Variants in DOCK2 observed in about 807,000 individuals in gnomAD.
DOCK2 encodes the protein dedicator of cytokinesis 2.
DOCK2 carries 87 observed loss-of-function variants against 248.9 expected under a neutral mutation model. The ratio of observed to expected loss-of-function variants is 0.35; its 90% confidence interval spans 0.29 to 0.42. The LOEUF (loss-of-function observed/expected upper bound fraction) is 0.42. DOCK2 is among the 10% of genes least tolerant of loss of function. DOCK2 has a pLI of 1.00. For synonymous variants in DOCK2, 805 were observed against 821.6 expected (o/e 0.98, Z 0.35); for missense variants, 1,747 against 2,300.2 (o/e 0.76, Z 4.92).
intron 26 of DOCK2, among the ~76,000 whole-genome samples, chr5:169,839,358 A>G (rs1343769487): frequency 6.6e-6 from 1 of 152,204 alleles, no homozygotes; most frequent in African/African-American, 2.4e-5. Flanking sequence ...ACCTTGAGAG[A>G]ACCTTCTACA....
chr5:169,731,606 G>A (rs1462295069), intron 22 of DOCK2, among the ~76,000 whole-genome samples: 1 of 152,140 alleles, frequency 6.6e-6, no homozygotes, highest in African/African-American at 2.4e-5. Context: ...AGTAACAGAT[G>A]CTATAAAAGC....
intron 27 of DOCK2, among the ~76,000 whole-genome samples, chr5:169,871,815 G>C (rs1442008271): frequency 6.6e-6 from 1 of 152,218 alleles, no homozygotes; most frequent in African/African-American, 2.4e-5. Context: ...TTATGGACCA[G>C]CTGACCAGTC....
intron 32 of DOCK2, among the ~76,000 whole-genome samples, chr5:170,018,208 T>G (rs969808459): frequency 3.3e-5 from 5 of 151,716 alleles, no homozygotes; most frequent in African/African-American, 1.2e-4. Context: ...GAGGAAGGAG[T>G]GTTTAAGCTA....
At chr5:169,854,075 G>A (rs1399665088) in intron 27 of DOCK2, among the ~76,000 whole-genome samples, 6 of 151,086 alleles carry the variant, frequency 4.0e-5, no homozygotes, top group East Asian at 1.9e-4. Flanking sequence ...CGCCCACCTC[G>A]GCCTCCCAAA....
chr5:169,944,269 A>C (rs1204285498), intron 27 of DOCK2, among the ~76,000 whole-genome samples: 1 of 152,192 alleles, frequency 6.6e-6, no homozygotes, highest in African/African-American at 2.4e-5. Context: ...TGACCTGCCC[A>C]TGCACAGAGG....
At chr5:170,051,109 T>C (rs75874509) in intron 41 of DOCK2, among the ~76,000 whole-genome samples, 1 of 152,224 alleles carries the variant, frequency 6.6e-6, no homozygotes, top group Non-Finnish European at 1.5e-5. Context: ...TTGAGATTAC[T>C]AGCAACCAAA....
chr5:169,645,057 G>A (rs537031959), intron 1 of DOCK2, among the ~76,000 whole-genome samples: 1 of 152,234 alleles, frequency 6.6e-6, no homozygotes, highest in East Asian at 1.9e-4. Context: ...TGGGCATTTG[G>A]GTTGGTTCCA....
At chr5:169,957,797 T>G (rs1488234987) in intron 27 of DOCK2, among the ~76,000 whole-genome samples, 1 of 152,226 alleles carries the variant, frequency 6.6e-6, no homozygotes, top group African/African-American at 2.4e-5. Context: ...TAGAGCTCCA[T>G]GTACTGCTAC....
At chr5:169,806,774 C>T (rs1178375507) in intron 26 of DOCK2, among the ~76,000 whole-genome samples, 3 of 152,164 alleles carry the variant, frequency 2.0e-5, no homozygotes, top group Admixed American at 2.0e-4. Context: ...AGGCCCCAGA[C>T]CCAGTCACAC....
chr5:169,950,288 A>G (rs923541840), intron 27 of DOCK2, among the ~76,000 whole-genome samples: 2 of 152,238 alleles, frequency 1.3e-5, no homozygotes, highest in Non-Finnish European at 2.9e-5. Context: ...TCATAAGAGA[A>G]CAAGCAGACC....
At chr5:169,838,942 C>T (rs950815449) in intron 26 of DOCK2, among the ~76,000 whole-genome samples, 3 of 152,172 alleles carry the variant, frequency 2.0e-5, no homozygotes, top group African/African-American at 7.2e-5. Context: ...CTTTCTTTTT[C>T]TGGCCCTACC....
intron 27 of DOCK2, among the ~76,000 whole-genome samples, chr5:169,972,287 CTT>C (rs1367509783): frequency 6.6e-6 from 1 of 152,096 alleles, no homozygotes. Context: ...GCATTTTGCA[CTT>C]ATCATTTAGT....
chr5:170,024,460 T>C (rs927075180), intron 33 of DOCK2, among the ~76,000 whole-genome samples: 6 of 150,508 alleles, frequency 4.0e-5, no homozygotes, highest in Non-Finnish European at 7.4e-5. Context: ...GATGACATTC[T>C]TCTCCCTTGG....
chr5:169,904,605 C>T (rs1357742189), intron 27 of DOCK2, among the ~76,000 whole-genome samples: 1 of 152,162 alleles, frequency 6.6e-6, no homozygotes, highest in East Asian at 1.9e-4. Flanking sequence ...CTCTCATTCA[C>T]ATGGAGGCCT....
At chr5:169,831,960 G>T (rs1769255837) in intron 26 of DOCK2, among the ~76,000 whole-genome samples, 1 of 152,176 alleles carries the variant, frequency 6.6e-6, no homozygotes, top group South Asian at 2.1e-4. Flanking sequence ...AATATTGAAA[G>T]AAGTTGCCAG....
At chr5:170,049,223 T>C (rs1294032679) in intron 40 of DOCK2, among the ~76,000 whole-genome samples, 4 of 152,236 alleles carry the variant, frequency 2.6e-5, no homozygotes, top group African/African-American at 9.6e-5. Context: ...CAAGCTATTA[T>C]CCTGCCTCAT....
In DOCK2 at chr5:169,747,401, A is replaced by G. The variant is rs1302470708; in HGVS notation, c.2273A>G (p.Tyr758Cys). Residue 758 changes from tyrosine (Y) to cysteine (C), a missense_variant, in exon 23 of 52, where the codon TAT (tyrosine) becomes TGT (cysteine). By Grantham distance (194) the Tyr-to-Cys change is radical (BLOSUM62 -2). Coordinates refer to ENST00000520908, the MANE Select transcript of DOCK2 (RefSeq NM_004946.3). ...VRSRTLFSQL[Y>C]EGKEQMEFEE... Reference sequence around the variant, plus strand: ...CCAGATGTATCTTGTTTCAGGCTTTATGAAGGCAAAGAACAGATGGAGTTT... The same window carrying G: ...CCAGATGTATCTTGTTTCAGGCTTTGTGAAGGCAAAGAACAGATGGAGTTT... The G allele has an allele frequency of 3.7e-6, 6 of 1,612,070 alleles. No individual in the cohort carries two copies. In the Admixed American group the frequency reaches 1.0e-4, roughly 27 times the overall value.
intron 26 of DOCK2, among the ~76,000 whole-genome samples, chr5:169,828,494 T>TG (rs1769017591): frequency 1.3e-5 from 2 of 152,160 alleles, no homozygotes; most frequent in African/African-American, 4.8e-5. Context: ...ACCTTTGATT[T>TG]GGGGAAACCC....
At chr5:169,781,546 T>C (rs988441381) in intron 25 of DOCK2, among the ~76,000 whole-genome samples, 5 of 152,200 alleles carry the variant, frequency 3.3e-5, no homozygotes, top group African/African-American at 1.2e-4. Context: ...CAAGTACTAT[T>C]TAAACTGCCT....
Sources: allele counts gnomAD v4.1 joint callset (sites outside exome capture counted in the v4.1 genomes callset), GRCh38; gene constraint gnomAD v4.1.1; transcripts MANE v1.5; gene names NCBI Gene and HGNC (gene_info 2026-07-23, HGNC 2026-07-21).